The following OR1J2 variants were observed in gnomAD, a reference collection of about 807,000 sequenced individuals.
OR1J2 encodes olfactory receptor 1J2.
For synonymous variants in OR1J2, 142 were observed against 99.7 expected (o/e 1.42, Z -2.52); for missense variants, 304 against 246.1 (o/e 1.24, Z -1.57).
chr9:122,481,985 A>G, the OR1J2 span, among the ~76,000 whole-genome samples: 1 of 152,150 alleles, frequency 6.6e-6, no homozygotes, highest in Non-Finnish European at 1.5e-5. Context: ...TCAAAAGCAC[A>G]GGTAACAAAA....
the OR1J2 span, among the ~76,000 whole-genome samples, chr9:122,484,972 T>C: frequency 2.3e-3 from 347 of 152,258 alleles, no homozygotes; most frequent in African/African-American, 8.0e-3. Flanking sequence ...AGGTCGAGGC[T>C]GTGAGTTGAG....
At chr9:122,552,000 A>C in the OR1J2 span, among the ~76,000 whole-genome samples, 28,308 of 144,084 alleles carry the variant, frequency 0.2, 3,114 homozygotes, top group Middle Eastern at 0.24. Context: ...CTGATCCATA[A>C]TCTGACAGGT....
chr9:122,484,387 C>T, the OR1J2 span, among the ~76,000 whole-genome samples: 99 of 152,192 alleles, frequency 6.5e-4, no homozygotes, highest in African/African-American at 2.1e-3. Context: ...GTCTCGATCT[C>T]TTGACCTTGT....
the OR1J2 span, among the ~76,000 whole-genome samples, chr9:122,539,246 C>T: frequency 6.6e-6 from 1 of 152,026 alleles, no homozygotes; most frequent in Non-Finnish European, 1.5e-5. Flanking sequence ...TTAGGTATAT[C>T]TCCTAATGCT....
upstream of OR1J2, among the ~76,000 whole-genome samples, chr9:122,508,788 A>G (rs914710466): frequency 9.9e-5 from 15 of 152,196 alleles, no homozygotes; most frequent in Non-Finnish European, 1.9e-4. Context: ...AAATTACCAC[A>G]AGCTTAGTGC....
At chr9:122,538,171 T>A in the OR1J2 span, among the ~76,000 whole-genome samples, 4 of 144,880 alleles carry the variant, frequency 2.8e-5, no homozygotes, top group African/African-American at 7.6e-5. Context: ...TGCCCCTGCC[T>A]GGTACAAGTT....
At chr9:122,524,936 T>C in the OR1J2 span, among the ~76,000 whole-genome samples, 2 of 152,146 alleles carry the variant, frequency 1.3e-5, no homozygotes, top group Non-Finnish European at 1.5e-5. Flanking sequence ...GATAGTCCAT[T>C]GCCAGTTCAA....
chr9:122,449,661 G>A, the OR1J2 span, among the ~76,000 whole-genome samples: 4 of 152,084 alleles, frequency 2.6e-5, no homozygotes, highest in African/African-American at 7.2e-5. Context: ...GAGCCACCGC[G>A]CCCGGCCTAT....
chr9:122,477,627 C>T, the OR1J2 span: 2 of 1,614,208 alleles, frequency 1.2e-6, no homozygotes, highest in Non-Finnish European at 1.7e-6. Flanking sequence ...AAAAATATGT[C>T]TGTGAAATGC....
At chr9:122,532,744 C>T in the OR1J2 span, among the ~76,000 whole-genome samples, 1 of 152,100 alleles carries the variant, frequency 6.6e-6, no homozygotes, top group Non-Finnish European at 1.5e-5. Context: ...ACATGATGGT[C>T]AGCCTAAAAC....
At chr9:122,504,069 C>A in the OR1J2 span, among the ~76,000 whole-genome samples, 1 of 152,210 alleles carries the variant, frequency 6.6e-6, no homozygotes, top group African/African-American at 2.4e-5. Flanking sequence ...GGGGCCCAGG[C>A]TACCTGTTTC....
chr9:122,572,533 G>A, the OR1J2 span, among the ~76,000 whole-genome samples: 2 of 151,470 alleles, frequency 1.3e-5, no homozygotes, highest in African/African-American at 4.9e-5. Context: ...TGAGTGTATG[G>A]GGCTGGGAAT....
chr9:122,567,708 A>T, the OR1J2 span: 1 of 1,614,102 alleles, frequency 6.2e-7, no homozygotes, highest in Non-Finnish European at 8.5e-7. Flanking sequence ...ATAGACACAG[A>T]AGATGCTTCC....
chr9:122,510,710 C>T (rs1039683935), upstream of OR1J2: 39 of 790,966 alleles, frequency 4.9e-5, no homozygotes, highest in South Asian at 2.8e-4. Flanking sequence ...TATGTTAAAA[C>T]GTACATCTTT....
chr9:122,524,570 C>A, the OR1J2 span, among the ~76,000 whole-genome samples: 1 of 152,116 alleles, frequency 6.6e-6, no homozygotes. Flanking sequence ...AGTGGACACC[C>A]AGTCACATCT....
chr9:122,475,124 A>G, the OR1J2 span: 7 of 152,360 alleles, frequency 4.6e-5, no homozygotes, highest in African/African-American at 1.7e-4. Context: ...AGCCTGGGCT[A>G]CACCCTCCTC....
chr9:122,460,190 TATACAC>T, the OR1J2 span, among the ~76,000 whole-genome samples: 1 of 32,536 alleles, frequency 3.1e-5, no homozygotes, highest in African/African-American at 2.3e-4. Context: ...TGTATATATA[TATACAC>T]ACACACACAC....
At chr9:122,558,311 CT>C in the OR1J2 span, among the ~76,000 whole-genome samples, 14 of 34,470 alleles carry the variant, frequency 4.1e-4, no homozygotes, top group East Asian at 1.3e-3. Flanking sequence ...TTGGATTTTG[CT>C]TTTTTTTTTT....
the OR1J2 span, among the ~76,000 whole-genome samples, chr9:122,474,713 G>C: frequency 6.6e-6 from 1 of 152,190 alleles, no homozygotes; most frequent in Non-Finnish European, 1.5e-5. Context: ...TCACTCATCT[G>C]CTTTGTACAG....
Sources: gnomAD v4.1 joint callset for allele counts (sites outside exome capture counted in the v4.1 genomes callset) on GRCh38, gnomAD v4.1.1 for gene constraint, MANE v1.5 for transcripts, NCBI Gene and HGNC (gene_info 2026-07-23, HGNC 2026-07-21) for gene names.